METTL22: variants seen among roughly 807,000 people sequenced by gnomAD.
METTL22 encodes methyltransferase-like protein 22.
A neutral mutation model predicts 48.4 loss-of-function variants in METTL22; 51 were observed. That is an observed-to-expected ratio of 1.05 (90% CI 0.84 to 1.33). METTL22 has a LOEUF of 1.33. Ranked by LOEUF, METTL22 falls within the 40% of genes most tolerant of loss-of-function variation. METTL22 has a pLI of 0.00. For missense variants in METTL22, 678 were observed against 526.9 expected (o/e 1.29, Z -2.81); for synonymous variants, 255 against 214.1 (o/e 1.19, Z -1.67).
At chr16:8,634,990 C>A (rs1182348452) in intron 3 of METTL22, 49 bp from the exon 4 acceptor site, 3 of 1,611,638 alleles carry the variant, frequency 1.9e-6, no homozygotes, top group African/African-American at 2.7e-5. Flanking sequence ...GGTTTTCTGT[C>A]CATCCCCATT....
At chr16:8,643,936 C>G (rs1285753136) in intron 9 of METTL22, among the ~76,000 whole-genome samples, 1 of 152,098 alleles carries the variant, frequency 6.6e-6, no homozygotes, top group Non-Finnish European at 1.5e-5. Flanking sequence ...ACTCCTGTTG[C>G]ATGTCTGGAA....
At chr16:8,664,347 TG>T in the METTL22 span, among the ~76,000 whole-genome samples, 10 of 152,200 alleles carry the variant, frequency 6.6e-5, 1 homozygote, top group Non-Finnish European at 1.5e-4. Context: ...GGTTTCACCA[TG>T]TTGGCCAGGC....
chr16:8,661,125 C>A, the METTL22 span, among the ~76,000 whole-genome samples: 1 of 152,132 alleles, frequency 6.6e-6, no homozygotes, highest in Non-Finnish European at 1.5e-5. Context: ...TGGCAGGATT[C>A]TCACCACAAG....
chr16:8,642,962 G>C, intron 9 of METTL22: 1 of 210,010 alleles, frequency 4.8e-6, no homozygotes, highest in Non-Finnish European at 9.9e-6. Flanking sequence ...GCTCCCCCAG[G>C]TCTCTTTCTC....
chr16:8,664,112 G>A, the METTL22 span, among the ~76,000 whole-genome samples: 1 of 149,586 alleles, frequency 6.7e-6, no homozygotes, highest in Non-Finnish European at 1.5e-5. Context: ...TTTTTAGATG[G>A]AGTCTCGCTC....
the METTL22 span, among the ~76,000 whole-genome samples, chr16:8,662,616 A>G: frequency 0.75 from 107,254 of 142,244 alleles, 44,952 homozygotes; most frequent in East Asian, 1. Flanking sequence ...CCAGCTTCAG[A>G]GCTCACCAAG....
the METTL22 span, among the ~76,000 whole-genome samples, chr16:8,659,402 A>T: frequency 6.6e-6 from 1 of 151,898 alleles, no homozygotes; most frequent in East Asian, 1.9e-4. Context: ...GGAATGACAG[A>T]GCTGGCATCA....
chr16:8,652,828 A>G (rs2056919056), downstream of METTL22, among the ~76,000 whole-genome samples: 1 of 152,186 alleles, frequency 6.6e-6, no homozygotes, highest in South Asian at 2.1e-4. Flanking sequence ...CACACACAAC[A>G]CACATCTTGG....
At chr16:8,636,569 G>C (rs2056431203) in intron 5 of METTL22, among the ~76,000 whole-genome samples, 1 of 148,440 alleles carries the variant, frequency 6.7e-6, no homozygotes. Flanking sequence ...TTAATGACCA[G>C]ATAATATTTC....
intron 3 of METTL22, among the ~76,000 whole-genome samples, chr16:8,630,199 A>G (rs922294586): frequency 2.2e-5 from 1 of 44,452 alleles, no homozygotes; most frequent in Admixed American, 2.8e-4. Flanking sequence ...CTATCTGCTC[A>G]GCAAACAGTT....
Position 8,625,576 on chromosome 16 carries a change from C to T in METTL22, c.-90C>T. 1 of 1,373,962 alleles carries T rather than the reference C, an allele frequency of 7.3e-7. No homozygotes were observed. Among genetic ancestry groups the T allele is most frequent in the African/African-American group, 1.4e-5 (1 of 70,410 alleles). 85.1% of individuals were successfully genotyped at this position (1,373,962 alleles called of 1,614,324 possible). A position where few individuals can be genotyped will look rare whatever the true frequency, so the allele number is the denominator to read the frequency against. On this transcript the variant is annotated 5_prime_UTR_variant, in exon 2 of 11. Coordinates refer to ENST00000381920, the MANE Select transcript of METTL22 (RefSeq NM_024109.4). ...CTACTCGCTACCAGCTTGGACCTGT[C>T]TGCAGTATCTCCTCTGGGACCTGCC...
At chr16:8,663,935 C>T in the METTL22 span, among the ~76,000 whole-genome samples, 2 of 152,044 alleles carry the variant, frequency 1.3e-5, no homozygotes, top group Non-Finnish European at 2.9e-5. Context: ...CTCTACCCAC[C>T]GGATGCCAGG....
chr16:8,641,282 C>T, intron 7 of METTL22, 98 bp downstream of exon 7: 1 of 1,185,980 alleles, frequency 8.4e-7, no homozygotes, highest in South Asian at 1.2e-5. Flanking sequence ...GCTGTAGTCC[C>T]AGCTGCTGCC....
At chr16:8,645,831 C>A in intron 10 of METTL22, 1 of 906,862 alleles carries the variant, frequency 1.1e-6, no homozygotes, top group Non-Finnish European at 1.4e-6. Flanking sequence ...CGGCAACTCA[C>A]TGCTATTCTG....
At chr16:8,623,578 G>A (rs2055937255) in intron 1 of METTL22, 1 of 152,144 alleles carries the variant, frequency 6.6e-6, no homozygotes, top group South Asian at 2.1e-4. Context: ...TGGCCTTCAG[G>A]TCCAGCATTT....
Position 8,642,564 on chromosome 16 carries a change from A to AGGT in METTL22, c.1010+1_1010+3dup. 1 of 1,614,102 alleles carries AGGT rather than the reference A, an allele frequency of 6.2e-7. No homozygotes were observed. Among genetic ancestry groups the AGGT allele is most frequent in the South Asian group, 1.1e-5 (1 of 91,092 alleles). On this transcript the variant is annotated inframe_insertion and splice_region_variant, in exon 9 of 11. Transcript: ENST00000381920. Reference sequence around the variant, plus strand: ...CACAGCCATACTGTCGGTGGAGAAGAGGTGAGCTTTGCGCCACGGGAACCG... The same window carrying AGGT: ...CACAGCCATACTGTCGGTGGAGAAGAGGTGGTGAGCTTTGCGCCACGGGAACCG...
chr16:8,660,236 G>T, the METTL22 span, among the ~76,000 whole-genome samples: 1 of 152,144 alleles, frequency 6.6e-6, no homozygotes, highest in Non-Finnish European at 1.5e-5. Flanking sequence ...GAGTGCAGTG[G>T]TGTGATCTCA....
intron 1 of METTL22, among the ~76,000 whole-genome samples, chr16:8,625,054 A>G (rs2055998345): frequency 6.6e-6 from 1 of 152,150 alleles, no homozygotes; most frequent in African/African-American, 2.4e-5. Flanking sequence ...CCTTTGGGAG[A>G]CAGATGGAGG....
chr16:8,662,117 C>G, the METTL22 span, among the ~76,000 whole-genome samples: 1 of 145,440 alleles, frequency 6.9e-6, no homozygotes, highest in Non-Finnish European at 1.5e-5. Flanking sequence ...TGGCACGTGT[C>G]CGTAGTCCCA....
Sources: allele counts gnomAD v4.1 joint callset (sites outside exome capture counted in the v4.1 genomes callset), GRCh38; gene constraint gnomAD v4.1.1; transcripts MANE v1.5; gene names NCBI Gene and HGNC (gene_info 2026-07-23, HGNC 2026-07-21).